ZDHHC23: variants seen among roughly 807,000 people sequenced by gnomAD.
ZDHHC23 encodes the protein palmitoyltransferase ZDHHC23.
ZDHHC23 carries 41 observed loss-of-function variants against 40.2 expected under a neutral mutation model. The observed-to-expected ratio is 1.02, with a 90% CI of 0.79 to 1.32. The LOEUF (loss-of-function observed/expected upper bound fraction) is 1.32. Ranked by LOEUF, ZDHHC23 falls within the 40% of genes most tolerant of loss-of-function variation. The pLI, the probability that ZDHHC23 is intolerant of heterozygous loss-of-function variation, is 0.00. For synonymous variants in ZDHHC23, 204 were observed against 210.2 expected, an observed-to-expected ratio of 0.97 and a Z score of 0.26; for missense variants, 471 against 541.5, an observed-to-expected ratio of 0.87 and a Z score of 1.29.
At chr3:113,964,649 C>T (rs915554680), downstream of ZDHHC23, 1 of 152,222 alleles carries the variant, frequency 6.6e-6, no homozygotes, top group African/African-American at 2.4e-5. Context: ...TGTAGAGAAC[C>T]TTTTCATACA....
At chr3:113,971,107 T>G in the ZDHHC23 span, among the ~76,000 whole-genome samples, 2 of 152,314 alleles carry the variant, frequency 1.3e-5, no homozygotes, top group African/African-American at 2.4e-5. Flanking sequence ...GGTCAAATGG[T>G]ATTTCTAGTT....
At chr3:113,976,211 A>C in the ZDHHC23 span, among the ~76,000 whole-genome samples, 1 of 152,052 alleles carries the variant, frequency 6.6e-6, no homozygotes, top group East Asian at 1.9e-4. Context: ...GTGAGCTGAG[A>C]TCCTACTACT....
At position 113,960,048 on chromosome 3, in the gene ZDHHC23, A is replaced by C; in HGVS notation, c.*1418A>C. 1.0e-6 allele frequency: 1 copy of C among 989,424 alleles called. No homozygotes were observed. The highest frequency in any genetic ancestry group is 4.6e-5 in the South Asian group (1 of 21,674). 61.3% of individuals were successfully genotyped at this position (989,424 alleles called of 1,614,324 possible). Reference sequence around the variant, plus strand: ...GTACTGTTGTGCAATCCCAAAGATAATTCATGACTCCTTAAATTTGCCTTG... The same window carrying C: ...GTACTGTTGTGCAATCCCAAAGATACTTCATGACTCCTTAAATTTGCCTTG... On this transcript the variant is annotated 3_prime_UTR_variant, in exon 5 of 5. Coordinates refer to ENST00000638807, the MANE Select transcript of ZDHHC23 (RefSeq NM_001320466.2).
chr3:113,953,217 A>C (rs141339486), intron 2 of ZDHHC23, among the ~76,000 whole-genome samples: 1 of 152,196 alleles, frequency 6.6e-6, no homozygotes, highest in African/African-American at 2.4e-5. Flanking sequence ...CTGGACATCA[A>C]GGTTGAGCAC....
At chr3:113,974,246 G>A in the ZDHHC23 span, among the ~76,000 whole-genome samples, 1 of 151,396 alleles carries the variant, frequency 6.6e-6, no homozygotes, top group East Asian at 1.9e-4. Flanking sequence ...TTTACATATT[G>A]CCTTCTCATT....
chr3:113,957,180 G>A (rs1229814402), intron 4 of ZDHHC23, among the ~76,000 whole-genome samples: 3 of 152,168 alleles, frequency 2.0e-5, no homozygotes, highest in African/African-American at 4.8e-5. Context: ...GCCCCCCTCT[G>A]CCCATGCTCT....
Position 113,959,645 on chromosome 3 carries a change from G to T in ZDHHC23, c.*1015G>T. ...TCACGGGCTCGATTATTTTCTTCAT[G>T]TATTTCAAATGCTGTCAGTTATAGC... On this transcript the variant is annotated 3_prime_UTR_variant, in exon 5 of 5. Coordinates refer to ENST00000638807, the MANE Select transcript of ZDHHC23 (RefSeq NM_001320466.2). 8.5e-7 allele frequency: 1 copy of T among 1,171,132 alleles called. No homozygotes were observed. The allele number at this position is 1,171,132 out of a possible 1,614,324, so 72.5% of individuals were successfully genotyped here.
Position 113,959,308 on chromosome 3 carries a change from GAGA to G in ZDHHC23, c.*682_*684del. On this transcript the variant is annotated 3_prime_UTR_variant, in exon 5 of 5. Coordinates refer to ENST00000638807, the MANE Select transcript of ZDHHC23 (RefSeq NM_001320466.2). ...TTATTAGACATGAACTACTCAAACA[GAGA>G]AGATGACCAGATGGATTGATGCTAA... 9.1e-7 allele frequency: 1 copy of G among 1,097,568 alleles called. No homozygotes were observed. Among genetic ancestry groups the G allele is most frequent in the Non-Finnish European group, 1.1e-6 (1 of 886,172 alleles). 68.0% of individuals were successfully genotyped at this position (1,097,568 alleles called of 1,614,324 possible).
At chr3:113,964,056 G>A (rs769728437), downstream of ZDHHC23, 1 of 151,970 alleles carries the variant, frequency 6.6e-6, no homozygotes, top group African/African-American at 2.4e-5. Context: ...CACATCCTCC[G>A]TGATAAAAGT....
intron 2 of ZDHHC23, among the ~76,000 whole-genome samples, chr3:113,950,170 ATTAG>A (rs1357301029): frequency 6.6e-6 from 1 of 152,104 alleles, no homozygotes; most frequent in East Asian, 1.9e-4. Context: ...ATGATTCCCA[ATTAG>A]TTATCTCTAA....
chr3:113,959,044 C>T lies in ZDHHC23; in HGVS notation c.*414C>T. 1 of 1,025,976 alleles carries T rather than the reference C, an allele frequency of 9.7e-7. No homozygotes were observed. The highest frequency in any genetic ancestry group is 3.7e-5 in the Admixed American group (1 of 27,016). The allele number at this position is 1,025,976 out of a possible 1,614,324, so 63.6% of individuals were successfully genotyped here. A position where few individuals can be genotyped will look rare whatever the true frequency, so the allele number is the denominator to read the frequency against. ...CTTTCCCAAGTCTCAGGGTCATCTG[C>T]AAAGTGGGGTACTGATGCCTGCCCT... On this transcript the variant is annotated 3_prime_UTR_variant, in exon 5 of 5. Coordinates refer to ENST00000638807, the MANE Select transcript of ZDHHC23 (RefSeq NM_001320466.2).
downstream of ZDHHC23, chr3:113,964,737 T>TAC (rs1939939449): frequency 6.6e-6 from 1 of 152,596 alleles, no homozygotes; most frequent in Admixed American, 6.5e-5. Flanking sequence ...ACTAGAAGGC[T>TAC]GAGTGCCTTG....
the ZDHHC23 span, among the ~76,000 whole-genome samples, chr3:113,973,966 A>G: frequency 5.4e-5 from 8 of 149,324 alleles, no homozygotes; most frequent in African/African-American, 1.7e-4. Flanking sequence ...GGCTGTCTTC[A>G]TTCCTTTTCT....
intron 4 of ZDHHC23, 129 bp from the exon 5 acceptor site, chr3:113,958,234 G>C: frequency 1.3e-6 from 1 of 765,902 alleles, no homozygotes; most frequent in Non-Finnish European, 2.1e-6. Context: ...GTATCTTCCA[G>C]TTCGGAGGGT....
At chr3:113,976,615 T>TAATA in the ZDHHC23 span, among the ~76,000 whole-genome samples, 1 of 149,788 alleles carries the variant, frequency 6.7e-6, no homozygotes, top group Admixed American at 6.7e-5. Flanking sequence ...TGTTTAATAA[T>TAATA]AATATATTCA....
chr3:113,956,467 C>T lies in ZDHHC23; in HGVS notation c.1001C>T (p.Thr334Ile). Residue 334 changes from threonine to isoleucine, a missense_variant, in exon 4 of 5, where the codon ACA becomes ATA. This residue lies in a region of ZDHHC23 where 346 missense variants were observed against 399.8 expected (regional missense o/e 0.87). Transcript: ENST00000638807. ...ATTTGTAGAGACAGAAGTGTCTTCA[C>T]AGCTCTTTTCTATTGTCCTGGAGTT... ...DTICRDRSVF[T>I]ALFYCPGVYA... 6.2e-7 allele frequency: 1 copy of T among 1,614,200 alleles called. No homozygotes were observed. The highest frequency in any genetic ancestry group is 8.5e-7 in the Non-Finnish European group (1 of 1,180,032).
At chr3:113,978,362 C>A in the ZDHHC23 span, 5 of 1,603,426 alleles carry the variant, frequency 3.1e-6, no homozygotes. Flanking sequence ...AAAAGTGAGA[C>A]AAAAAATATC....
chr3:113,957,374 G>C (rs1253280989), intron 4 of ZDHHC23, among the ~76,000 whole-genome samples: 1 of 152,180 alleles, frequency 6.6e-6, no homozygotes, highest in Non-Finnish European at 1.5e-5. Context: ...CCTAGAACCA[G>C]ACACCTGTGG....
At chr3:113,952,561 G>A (rs376187195) in intron 2 of ZDHHC23, among the ~76,000 whole-genome samples, 7 of 152,112 alleles carry the variant, frequency 4.6e-5, no homozygotes, top group Non-Finnish European at 8.8e-5. Flanking sequence ...ACCTCTACCC[G>A]TTACCCGGTT....
Sources: allele counts gnomAD v4.1 joint callset (sites outside exome capture counted in the v4.1 genomes callset), GRCh38; gene constraint gnomAD v4.1.1; regional missense constraint gnomAD v4.1.1; transcripts MANE v1.5; gene names NCBI Gene and HGNC (gene_info 2026-07-23, HGNC 2026-07-21).